Variants in PDE1A observed in about 807,000 individuals in gnomAD.
The protein encoded by PDE1A is dual specificity calcium/calmodulin-dependent 3',5'-cyclic nucleotide phosphodiesterase 1A.
A neutral mutation model predicts 61.7 loss-of-function variants in PDE1A; 35 were observed. The observed-to-expected ratio is 0.57, with a 90% CI of 0.43 to 0.75. The LOEUF is 0.75. PDE1A is among the 30% of genes least tolerant of loss of function. The pLI is 0.00. For synonymous variants in PDE1A, 232 were observed against 213.2 expected (o/e 1.09, Z -0.77); for missense variants, 597 against 630.6 (o/e 0.95, Z 0.57).
At chr2:182,238,614 A>G (rs2125681514) in intron 3 of PDE1A, among the ~76,000 whole-genome samples, 1 of 152,372 alleles carries the variant, frequency 6.6e-6, no homozygotes, top group East Asian at 1.9e-4. Context: ...AAAATTTCCA[A>G]TAAACTTGTC....
intron 2 of PDE1A, among the ~76,000 whole-genome samples, chr2:182,440,816 T>TTCTGTTGA (rs1254488362): frequency 1.2e-4 from 19 of 152,148 alleles, no homozygotes; most frequent in African/African-American, 4.6e-4. Flanking sequence ...TTCTCTTCTT[T>TTCTGTTGA]TCTGTTGATT....
At chr2:182,408,218 C>T (rs1430147) in intron 1 of PDE1A, among the ~76,000 whole-genome samples, 23,465 of 149,846 alleles carry the variant, frequency 0.16, 2,179 homozygotes, top group Middle Eastern at 0.29. Flanking sequence ...TACCTAAATC[C>T]CTCCCACCTT....
intron 2 of PDE1A, among the ~76,000 whole-genome samples, chr2:182,240,590 T>G (rs948540647): frequency 1.3e-5 from 2 of 152,190 alleles, no homozygotes; most frequent in Non-Finnish European, 2.9e-5. Context: ...TAGTGTGCTA[T>G]TCTAATAATG....
At chr2:182,201,388 A>T in intron 10 of PDE1A, 51 bp downstream of exon 10, 1 of 1,605,068 alleles carries the variant, frequency 6.2e-7, no homozygotes, top group Non-Finnish European at 8.5e-7. Context: ...GTACGCTAAT[A>T]TGCACAGTCA....
At chr2:182,542,238 T>C in the PDE1A span, among the ~76,000 whole-genome samples, 1 of 152,166 alleles carries the variant, frequency 6.6e-6, no homozygotes, top group Non-Finnish European at 1.5e-5. Context: ...CTTAAATATT[T>C]CAAAATGTTA....
At chr2:182,229,570 C>A (rs547419919) in intron 6 of PDE1A, among the ~76,000 whole-genome samples, 59 of 152,162 alleles carry the variant, frequency 3.9e-4, no homozygotes, top group African/African-American at 1.4e-3. Context: ...ATAATTTCCC[C>A]AAATCCCTAT....
At chr2:182,508,703 G>A (rs779167071) in intron 2 of PDE1A, among the ~76,000 whole-genome samples, 9 of 149,892 alleles carry the variant, frequency 6.0e-5, no homozygotes, top group Non-Finnish European at 1.0e-4. Context: ...ATATTTTCCG[G>A]GGTATCAAAG....
downstream of PDE1A, among the ~76,000 whole-genome samples, chr2:182,167,354 G>A (rs932628209): frequency 1.3e-5 from 2 of 152,052 alleles, no homozygotes; most frequent in Non-Finnish European, 2.9e-5. Flanking sequence ...GCCAGTTTTG[G>A]CCAGCTTACA....
At chr2:182,705,353 T>C in the PDE1A span, among the ~76,000 whole-genome samples, 1 of 152,172 alleles carries the variant, frequency 6.6e-6, no homozygotes, top group East Asian at 1.9e-4. Context: ...TGACAATATG[T>C]TTGCTGCCAT....
chr2:182,550,667 C>G, the PDE1A span, among the ~76,000 whole-genome samples: 7,845 of 152,110 alleles, frequency 0.052, 252 homozygotes, highest in Middle Eastern at 0.099. Context: ...ACAGACAATC[C>G]AATAGTTTTC....
the PDE1A span, among the ~76,000 whole-genome samples, chr2:182,627,700 T>C: frequency 6.6e-6 from 1 of 151,632 alleles, no homozygotes; most frequent in Non-Finnish European, 1.5e-5. Context: ...CCCAGCACTT[T>C]GGGAGGCTAA....
At chr2:182,678,398 G>T in the PDE1A span, among the ~76,000 whole-genome samples, 53 of 152,146 alleles carry the variant, frequency 3.5e-4, no homozygotes, top group Non-Finnish European at 7.3e-4. Context: ...ACTCCAGCCT[G>T]GGGGACAAGA....
chr2:182,512,535 CA>C (rs1255437611), intron 2 of PDE1A, among the ~76,000 whole-genome samples: 1 of 152,188 alleles, frequency 6.6e-6, no homozygotes, highest in Non-Finnish European at 1.5e-5. Context: ...TGGCAACTCA[CA>C]AATCTAGTGT....
intron 7 of PDE1A, among the ~76,000 whole-genome samples, chr2:182,206,342 T>C (rs1326254212): frequency 6.6e-6 from 1 of 152,100 alleles, no homozygotes. Context: ...ACCTCCCCCA[T>C]TGTCAACATC....
the PDE1A span, among the ~76,000 whole-genome samples, chr2:182,543,634 A>G: frequency 8.5e-5 from 13 of 152,154 alleles, no homozygotes; most frequent in African/African-American, 3.1e-4. Context: ...AATCAAAGAC[A>G]TGTAATCTTT....
At chr2:182,636,091 G>A in the PDE1A span, among the ~76,000 whole-genome samples, 1 of 151,416 alleles carries the variant, frequency 6.6e-6, no homozygotes, top group Non-Finnish European at 1.5e-5. Flanking sequence ...GAGTAGCTGG[G>A]ACTACAGGTG....
At chr2:182,300,319 T>C (rs530882305) in intron 1 of PDE1A, among the ~76,000 whole-genome samples, 121 of 152,312 alleles carry the variant, frequency 7.9e-4, no homozygotes, top group Middle Eastern at 3.4e-3. Flanking sequence ...TTCATACCTA[T>C]GGCTTCATGG....
chr2:182,607,689 TAA>T, the PDE1A span, among the ~76,000 whole-genome samples: 2 of 152,208 alleles, frequency 1.3e-5, no homozygotes, highest in African/African-American at 2.4e-5. Context: ...TACCTTTATG[TAA>T]ATAAAGCTGA....
At chr2:182,562,757 T>C in the PDE1A span, among the ~76,000 whole-genome samples, 1 of 152,182 alleles carries the variant, frequency 6.6e-6, no homozygotes, top group Non-Finnish European at 1.5e-5. Context: ...TATTCAGAGA[T>C]TCAACTTCTT....
Sources: gnomAD v4.1 joint callset for allele counts (sites outside exome capture counted in the v4.1 genomes callset) on GRCh38, gnomAD v4.1.1 for gene constraint, MANE v1.5 for transcripts, NCBI Gene and HGNC (gene_info 2026-07-23, HGNC 2026-07-21) for gene names.